TXNL4B: variants seen among roughly 807,000 people sequenced by gnomAD.
TXNL4B encodes the protein thioredoxin-like protein 4B.
In TXNL4B, 12 loss-of-function variants were observed where a neutral mutation model predicts 13.0. The observed-to-expected ratio is 0.92, with a 90% CI of 0.59 to 1.49. The LOEUF (loss-of-function observed/expected upper bound fraction) is 1.49. Among genes scored for constraint, TXNL4B ranks in the 40% most tolerant of loss-of-function variants. The pLI is 0.00. For missense variants in TXNL4B, 214 were observed against 173.6 expected, an observed-to-expected ratio of 1.23 and a Z score of -1.31; for synonymous variants, 59 against 58.9, an observed-to-expected ratio of 1.00 and a Z score of -0.01.
chr16:72,086,949 C>G (rs2041832095), intron 3 of TXNL4B, 147 bp from the exon 4 acceptor site: 1 of 671,922 alleles, frequency 1.5e-6, no homozygotes, highest in Non-Finnish European at 2.3e-6. Context: ...ATTAATTTTT[C>G]AATCATTTTT....
chr16:72,090,817 T>C (rs2041893699), intron 1 of TXNL4B, 31 bp from the exon 2 acceptor site: 1 of 1,590,760 alleles, frequency 6.3e-7, no homozygotes, highest in African/African-American at 1.3e-5. Context: ...TTAAAGACAG[T>C]TTAGATTAAG....
At chr16:72,093,113 G>A (rs2041941374) in intron 1 of TXNL4B, among the ~76,000 whole-genome samples, 2 of 152,102 alleles carry the variant, frequency 1.3e-5, no homozygotes, top group Non-Finnish European at 2.9e-5. Context: ...TGGAACCTCA[G>A]GCGCGCGCCA....
rs9930890 is a variant in TXNL4B at position 72,085,913 on chromosome 16, A to G, written c.*724T>C. The stretch of plus-strand genomic sequence containing the variant: ...AGCTACTCAGGAGGCTGAAGCAGGA[A>G]AATGGCATGAACCCAGGAGGTGGAG... On this transcript the variant is annotated 3_prime_UTR_variant, in exon 4 of 4. Transcript: ENST00000268483. 0.6 allele frequency: 91,412 copies of G among 151,204 alleles called. 28,708 individuals carry two copies. The highest frequency in any genetic ancestry group is 0.77 in the African/African-American group (31,739 of 41,166). 9.4% of individuals were successfully genotyped at this position (151,204 alleles called of 1,614,324 possible).
intron 3 of TXNL4B, among the ~76,000 whole-genome samples, chr16:72,088,162 C>T (rs2041851536): frequency 6.6e-6 from 1 of 152,156 alleles, no homozygotes; most frequent in Admixed American, 6.5e-5. Flanking sequence ...TGGGGTTTCA[C>T]TATGTTGGCC....
chr16:72,089,224 TTTG>T, intron 2 of TXNL4B, 86 bp from the exon 3 acceptor site: 1 of 1,278,394 alleles, frequency 7.8e-7, no homozygotes, highest in Non-Finnish European at 1.1e-6. Flanking sequence ...AACAGAGTGT[TTTG>T]TTTGAAAAAA....
At position 72,089,041 on chromosome 16, in the gene TXNL4B, T is replaced by C. The variant is rs758399516; in HGVS notation, c.230A>G (p.Tyr77Cys). The change falls in exon 3 of 4, where the codon TAT becomes TGT. Residue 77 changes from tyrosine (Y) to cysteine (C), a missense_variant. Physicochemically the swap from Tyr to Cys is radical, Grantham distance 194. Coordinates refer to ENST00000268483, the MANE Select transcript of TXNL4B (RefSeq NM_017853.3). ...GAAGAAAAAGACAGTAGATGGAATA[T>C]AACTGATGTCAAAATACTGTGTATA... ...AVYTQYFDIS[Y>C]IPSTVFFFNG... The C allele has an allele frequency of 1.2e-5, 19 of 1,612,466 alleles. No homozygotes were observed. The highest frequency in any genetic ancestry group is 1.1e-4 in the South Asian group (10 of 90,982).
Position 72,090,738 on chromosome 16 carries a change from TA to T in TXNL4B, c.11del (p.Leu4HisfsTer5). Reference sequence around the variant, plus strand: ...CCTTTTTGCTAGTCAGCTTGGGCAGTAGGAAGCTCATCTTGAAATAACCCAA... The same window carrying T: ...CCTTTTTGCTAGTCAGCTTGGGCAGTGGAAGCTCATCTTGAAATAACCCAA... MSFLLPKLTSKKEV... is the reference protein window; with the variant it reads MSFXLPKLTSKKEV... On this transcript the variant is annotated frameshift_variant, in exon 2 of 4. Coordinates refer to ENST00000268483, the MANE Select transcript of TXNL4B (RefSeq NM_017853.3). LOFTEE classifies it high-confidence loss of function. The T allele has an allele frequency of 6.2e-7, 1 of 1,614,136 alleles. No individual in the cohort carries two copies. The highest frequency in any genetic ancestry group is 1.7e-5 in the Admixed American group (1 of 60,018).
upstream of TXNL4B, chr16:72,093,661 C>A (rs217735): frequency 1.3e-5 from 2 of 152,306 alleles, no homozygotes; most frequent in Non-Finnish European, 2.9e-5. Context: ...CGGCTCTGAC[C>A]GGAAGCTAGG....
chr16:72,089,331 G>A (rs185444591), intron 2 of TXNL4B, among the ~76,000 whole-genome samples, 193 bp from the exon 3 acceptor site: 9 of 152,362 alleles, frequency 5.9e-5, no homozygotes, highest in African/African-American at 1.9e-4. Flanking sequence ...GGGGTTAGGA[G>A]GGAATCTTGG....
intron 2 of TXNL4B, chr16:72,089,977 T>C: frequency 9.9e-6 from 4 of 404,136 alleles, no homozygotes. Context: ...TCTGTGGTAT[T>C]TCCTCCTGCT....
rs1403171213 is a variant in TXNL4B at position 72,086,674 on chromosome 16, T to C, written c.413A>G (p.Asn138Ser). The change falls in exon 4 of 4, where the codon AAT becomes AGT. Residue 138 changes from asparagine (N) to serine (S), a missense_variant. By Grantham distance (46) the Asn-to-Ser change is conservative. Coordinates refer to ENST00000268483, the MANE Select transcript of TXNL4B (RefSeq NM_017853.3). Reference sequence around the variant, plus strand: ...ATAGAGAAGGTCATATTTGGGAATATTCTTGGGATCAATAGGACTTTGGAC... The same window carrying C: ...ATAGAGAAGGTCATATTTGGGAATACTCTTGGGATCAATAGGACTTTGGAC... ...LIVQSPIDPK[N>S]IPKYDLLYQD... 1 of 1,613,992 alleles carries C rather than the reference T, an allele frequency of 6.2e-7. No individual in the cohort carries two copies. Among genetic ancestry groups the C allele is most frequent in the Non-Finnish European group, 8.5e-7 (1 of 1,179,854 alleles).
chr16:72,088,541 T>C (rs2041856416), intron 3 of TXNL4B, among the ~76,000 whole-genome samples: 1 of 152,228 alleles, frequency 6.6e-6, no homozygotes, highest in African/African-American at 2.4e-5. Context: ...CACATCTTAG[T>C]TTGCTAGAAG....
chr16:72,093,005 T>G (rs369443268), intron 1 of TXNL4B, among the ~76,000 whole-genome samples: 2 of 152,138 alleles, frequency 1.3e-5, no homozygotes, highest in South Asian at 2.1e-4. Context: ...CTTTCCTCTC[T>G]CCCTCTCTTT....
At chr16:72,090,043 C>T (rs898186185) in intron 2 of TXNL4B, 2 of 455,128 alleles carry the variant, frequency 4.4e-6, no homozygotes, top group African/African-American at 2.0e-5. Context: ...CACATCACAC[C>T]CTCATTGTAA....
chr16:72,090,266 A>C (rs2041884222), intron 2 of TXNL4B: 15 of 454,504 alleles, frequency 3.3e-5, no homozygotes, highest in South Asian at 1.9e-4. Context: ...AAATTACTTG[A>C]CCTCTCTGGT....
At chr16:72,086,932 G>T (rs1024096671) in intron 3 of TXNL4B, 130 bp from the exon 4 acceptor site, 1 of 694,440 alleles carries the variant, frequency 1.4e-6, no homozygotes, top group Non-Finnish European at 2.2e-6. Context: ...CAGAAATAAA[G>T]CCCAACATTA....
At chr16:72,087,362 G>GTGTA (rs1555535725) in intron 3 of TXNL4B, 1 of 149,716 alleles carries the variant, frequency 6.7e-6, no homozygotes, top group Non-Finnish European at 1.5e-5. Flanking sequence ...GTGTGTGTGT[G>GTGTA]TGTGTGTATG....
intron 2 of TXNL4B, chr16:72,090,285 T>C (rs948123491): frequency 1.7e-5 from 8 of 462,160 alleles, no homozygotes; most frequent in Non-Finnish European, 3.4e-5. Flanking sequence ...GTTTTTTTTT[T>C]CCTACTGGGA....
intron 1 of TXNL4B, among the ~76,000 whole-genome samples, chr16:72,092,911 G>A (rs2041935925): frequency 6.6e-6 from 1 of 152,214 alleles, no homozygotes; most frequent in African/African-American, 2.4e-5. Flanking sequence ...GGTAGGGGCA[G>A]GCACAGGGAG....
Sources: allele counts gnomAD v4.1 joint callset (sites outside exome capture counted in the v4.1 genomes callset), GRCh38; gene constraint gnomAD v4.1.1; transcripts MANE v1.5; gene names NCBI Gene and HGNC (gene_info 2026-07-23, HGNC 2026-07-21).